UBE4A: variants seen among roughly 807,000 people sequenced by gnomAD.
The protein encoded by UBE4A is ubiquitination factor E4A.
A neutral mutation model predicts 117.9 loss-of-function variants in UBE4A; 48 were observed. The ratio of observed to expected loss-of-function variants is 0.41; its 90% CI spans 0.32 to 0.52. UBE4A has a LOEUF of 0.52. Among genes scored for constraint, UBE4A ranks in the 20% least tolerant of loss-of-function variants. The pLI is 0.33. For missense variants in UBE4A, 1,067 were observed against 1,296.3 expected (o/e 0.82, Z 2.72); for synonymous variants, 407 against 450.0 (o/e 0.90, Z 1.21).
rs781302680 is a variant in UBE4A at position 118,398,781 on chromosome 11, C to T, written c.*2341C>T. On this transcript the variant is annotated 3_prime_UTR_variant, in exon 20 of 20. Transcript: ENST00000252108. ...GGAAAATTGTTTAAGTATGTTTTAT[C>T]AAGCAGTCTGGGTTTTGTTTTTTAA... 1.2e-5 allele frequency: 2 copies of T among 172,386 alleles called. No homozygotes were observed. Among genetic ancestry groups the T allele is most frequent in the Non-Finnish European group, 2.5e-5 (2 of 79,014 alleles). The allele number at this position is 172,386 out of a possible 1,614,324, so 10.7% of individuals were successfully genotyped here.
intron 10 of UBE4A, among the ~76,000 whole-genome samples, chr11:118,377,311 A>G (rs1948661640): frequency 6.6e-6 from 1 of 152,070 alleles, no homozygotes; most frequent in Non-Finnish European, 1.5e-5. Context: ...GGGTTCAAGC[A>G]ATTCTTCTGC....
Position 118,375,190 on chromosome 11 carries a change from A to C in UBE4A, c.1411A>C (p.Asn471His). Reference sequence around the variant, plus strand: ...CACATACTGTGCCCTCAAGGAGTTGAATGATGAAGAACGAAAAATTAAAAA... The same window carrying C: ...CACATACTGTGCCCTCAAGGAGTTGCATGATGAAGAACGAAAAATTAAAAA... The part of the protein sequence containing the change: ...NPTYCALKEL[N>H]DEERKIKNVH... The change falls in exon 9 of 20, where the codon AAT becomes CAT. Residue 471 changes from asparagine to histidine, a missense_variant. Physicochemically the swap from Asn to His is moderately conservative, Grantham distance 68 (BLOSUM62 1). Around this residue, in one of 3 missense-constraint regions of UBE4A, gnomAD observed 1,001 missense variants for 1,184.0 expected, o/e 0.85. Transcript: ENST00000252108. 1 of 1,610,470 alleles carries C rather than the reference A, an allele frequency of 6.2e-7. No homozygotes were observed. Among genetic ancestry groups the C allele is most frequent in the South Asian group, 1.1e-5 (1 of 90,662 alleles).
chr11:118,375,386 G>A (rs1242243530), intron 9 of UBE4A, among the ~76,000 whole-genome samples, 157 bp downstream of exon 9: 9 of 151,792 alleles, frequency 5.9e-5, no homozygotes, highest in African/African-American at 1.9e-4. Context: ...TTGAGATGGA[G>A]TCTTACTCTG....
chr11:118,374,737 C>G (rs1555125072), intron 8 of UBE4A, among the ~76,000 whole-genome samples, 159 bp from the exon 9 acceptor site: 1 of 152,224 alleles, frequency 6.6e-6, no homozygotes, highest in East Asian at 1.9e-4. Context: ...TATAAGTGCC[C>G]AGAAATATAT....
intron 9 of UBE4A, among the ~76,000 whole-genome samples, chr11:118,375,431 C>T (rs1178869975): frequency 6.6e-6 from 1 of 152,056 alleles, no homozygotes; most frequent in African/African-American, 2.4e-5. Context: ...GCTATCTTGG[C>T]TCACCGCAAT....
rs997169055 is a variant in UBE4A, at chr11:118,364,981, G to T, written c.-41-59G>T. The T allele has an allele frequency of 1.3e-5, 18 of 1,345,406 alleles. No homozygotes were observed. In the East Asian group the frequency reaches 4.8e-4, roughly 36 times the overall value. 83.3% of individuals were successfully genotyped at this position (1,345,406 alleles called of 1,614,324 possible). A position where few individuals can be genotyped will look rare whatever the true frequency, so the allele number is the denominator to read the frequency against. On this transcript the variant is annotated intron_variant, in intron 1 of 19. Coordinates refer to ENST00000252108, the MANE Select transcript of UBE4A (RefSeq NM_001204077.2). ...GAAATGGGAAAAGAAACAACCACAG[G>T]TATATTACAGCTATTGTGTCATCTG...
Position 118,379,764 on chromosome 11 carries a change from C to G in UBE4A, c.1876+14C>G, listed in dbSNP as rs782375400. On this transcript the variant is annotated intron_variant, in intron 11 of 19. Transcript: ENST00000252108. ...CTTATGTGCCAGGTAAGCAGGCTCT[C>G]CCTTGGGAATGTCCTGTTTATAGCC... is the stretch of plus-strand genomic sequence containing the variant. 1 of 1,602,336 alleles carries G rather than the reference C, an allele frequency of 6.2e-7. No homozygotes were observed. Among genetic ancestry groups the G allele is most frequent in the South Asian group, 1.1e-5 (1 of 90,752 alleles).
chr11:118,383,058 C>A (rs1228711701), intron 13 of UBE4A, among the ~76,000 whole-genome samples: 2 of 151,800 alleles, frequency 1.3e-5, no homozygotes, highest in Admixed American at 6.6e-5. Context: ...ATCAGTTTGT[C>A]CATGTCATAA....
chr11:118,382,157 C>T (rs1176112191), intron 12 of UBE4A, among the ~76,000 whole-genome samples: 3 of 152,124 alleles, frequency 2.0e-5, no homozygotes, highest in Non-Finnish European at 4.4e-5. Flanking sequence ...AATGAGAAGT[C>T]ATAAGTCAAC....
chr11:118,385,528 C>T (rs1948748276), intron 15 of UBE4A, among the ~76,000 whole-genome samples: 1 of 152,204 alleles, frequency 6.6e-6, no homozygotes, highest in South Asian at 2.1e-4. Context: ...TAAAATGCAG[C>T]TGGGTGCCTC....
At chr11:118,388,775 G>A (rs1286766132) in intron 16 of UBE4A, among the ~76,000 whole-genome samples, 4 of 152,072 alleles carry the variant, frequency 2.6e-5, no homozygotes, top group South Asian at 2.1e-4. Context: ...ATAACTTATG[G>A]TGCAGTTACA....
intron 9 of UBE4A, among the ~76,000 whole-genome samples, chr11:118,375,954 A>T (rs1948649214): frequency 6.6e-6 from 1 of 152,210 alleles, no homozygotes; most frequent in South Asian, 2.1e-4. Flanking sequence ...GTCTTGAGAG[A>T]CAAGTTAGGT....
intron 1 of UBE4A, among the ~76,000 whole-genome samples, chr11:118,360,433 A>G (rs1426590366): frequency 6.6e-6 from 1 of 152,216 alleles, no homozygotes; most frequent in African/African-American, 2.4e-5. Flanking sequence ...AGATGTGTTG[A>G]TGGAATTTGT....
chr11:118,369,577 T>G, intron 4 of UBE4A, 42 bp downstream of exon 4: 2 of 1,476,364 alleles, frequency 1.4e-6, no homozygotes, highest in Non-Finnish European at 1.9e-6. Context: ...TAGCAAAAAT[T>G]AGCTATGCGG....
intron 5 of UBE4A, 48 bp downstream of exon 5, chr11:118,371,714 A>G: frequency 6.4e-7 from 1 of 1,553,038 alleles, no homozygotes; most frequent in Non-Finnish European, 8.7e-7. Context: ...CTTGGGTATG[A>G]CTTCAGCATG....
At chr11:118,374,326 C>T (rs770700107) in intron 8 of UBE4A, among the ~76,000 whole-genome samples, 1 of 152,104 alleles carries the variant, frequency 6.6e-6, no homozygotes, top group Non-Finnish European at 1.5e-5. Context: ...TTCGTGTCTC[C>T]ACCTATGCCC....
Position 118,363,047 on chromosome 11 carries a change from T to C in UBE4A, c.-41-1993T>C, listed in dbSNP as rs1377599911. On this transcript the variant is annotated intron_variant, in intron 1 of 19. Coordinates refer to ENST00000252108, the MANE Select transcript of UBE4A (RefSeq NM_001204077.2). ...ATACTTTTTGCATTCCTCTGGAATTTGTGGTATTTTAGGATGGAAGTAGAA... is the reference window on the plus strand; with the variant it reads ...ATACTTTTTGCATTCCTCTGGAATTCGTGGTATTTTAGGATGGAAGTAGAA... Among the ~76,000 whole-genome samples the C allele has an allele frequency of 3.3e-5, 5 of 152,322 alleles. No homozygotes were observed. The East Asian group carries it at 9.6e-4, about 29-fold the overall frequency.
chr11:118,386,333 G>T (rs1032996052), intron 15 of UBE4A, 105 bp from the exon 16 acceptor site: 13 of 1,300,148 alleles, frequency 1.0e-5, no homozygotes. Context: ...ATGGTCCCTC[G>T]TTTTCCCAGC....
chr11:118,372,811 G>A lies in UBE4A; in HGVS notation c.721+145G>A, dbSNP rs746500806. ...CTCACATCTTGATCTTTGAGGTTGA[G>A]TACCAATAGAATAAAGCTGGGCATG... On this transcript the variant is annotated intron_variant, in intron 6 of 19. Transcript: ENST00000252108. The A allele has an allele frequency of 1.9e-4, 240 of 1,235,194 alleles. 1 individual carries two copies. The Admixed American group carries it at 2.0e-3, about 10-fold the overall frequency. The allele number at this position is 1,235,194 out of a possible 1,614,324, so 76.5% of individuals were successfully genotyped here. A position where few individuals can be genotyped will look rare whatever the true frequency, so the allele number is the denominator to read the frequency against.
Sources: gnomAD v4.1 joint callset for allele counts (sites outside exome capture counted in the v4.1 genomes callset) on GRCh38, gnomAD v4.1.1 for gene constraint, gnomAD v4.1.1 regional missense constraint, MANE v1.5 for transcripts, NCBI Gene and HGNC (gene_info 2026-07-23, HGNC 2026-07-21) for gene names.